NAP1L1: variants seen among roughly 807,000 people sequenced by gnomAD.
The protein encoded by NAP1L1 is nucleosome assembly protein 1 like 1.
Under a neutral mutation model 58.9 loss-of-function variants are expected in NAP1L1, and 9 were observed. That is an observed-to-expected ratio of 0.15 (90% CI 0.09 to 0.27). The LOEUF (loss-of-function observed/expected upper bound fraction) is 0.27. Ranked by LOEUF, NAP1L1 falls within the 10% of genes least tolerant of loss-of-function variation. The probability of loss-of-function intolerance (pLI) is 1.00; values close to 1 mark genes in which losing one functional copy is unlikely to be tolerated. For missense variants in NAP1L1, 302 were observed against 458.8 expected, an observed-to-expected ratio of 0.66 and a Z score of 3.12; for synonymous variants, 130 against 138.3, an observed-to-expected ratio of 0.94 and a Z score of 0.42.
chr12:76,057,609 T>C, intron 6 of NAP1L1: 1 of 1,194,632 alleles, frequency 8.4e-7, no homozygotes, highest in South Asian at 1.3e-5. Context: ...CCAAGTTAGA[T>C]GCTGATTACC....
chr12:76,078,195 G>A (rs752240837), intron 1 of NAP1L1, among the ~76,000 whole-genome samples: 1 of 151,958 alleles, frequency 6.6e-6, no homozygotes, highest in Non-Finnish European at 1.5e-5. Flanking sequence ...TTTAACCAAA[G>A]TTAAAATTCT....
At chr12:76,081,107 A>G (rs1401537224) in intron 1 of NAP1L1, among the ~76,000 whole-genome samples, 1 of 152,028 alleles carries the variant, frequency 6.6e-6, no homozygotes, top group Non-Finnish European at 1.5e-5. Context: ...ACTCAGTTTC[A>G]GGTATTCTAA....
chr12:76,071,243 T>C (rs183893771), intron 2 of NAP1L1, among the ~76,000 whole-genome samples: 16 of 152,114 alleles, frequency 1.1e-4, no homozygotes, highest in African/African-American at 3.6e-4. Context: ...AGAGAAAGGT[T>C]TACTGACTCT....
At chr12:76,077,722 G>A (rs1252208212) in intron 1 of NAP1L1, among the ~76,000 whole-genome samples, 3 of 151,876 alleles carry the variant, frequency 2.0e-5, no homozygotes, top group African/African-American at 4.8e-5. Flanking sequence ...AGTGGCTCAC[G>A]CCTGTAATCC....
intron 7 of NAP1L1, 69 bp downstream of exon 7, chr12:76,055,964 G>T: frequency 6.7e-7 from 1 of 1,492,210 alleles, no homozygotes; most frequent in South Asian, 1.2e-5. Context: ...AGAGAACAGT[G>T]ATCACAGCCA....
rs1948557838 is a variant in NAP1L1, at chr12:76,042,188, G to C, written c.*6241C>G. 1 of 152,018 alleles carries C rather than the reference G, an allele frequency of 6.6e-6. No homozygotes were observed. The highest frequency in any genetic ancestry group is 1.5e-5 in the Non-Finnish European group (1 of 68,008). 9.4% of individuals were successfully genotyped at this position (152,018 alleles called of 1,614,324 possible). A position where few individuals can be genotyped will look rare whatever the true frequency, so the allele number is the denominator to read the frequency against. ...TACACCTAGGAGGAATTTTGCCTTT[G>C]AACCAAGAAAACCCCAACTAGTTCA... On this transcript the variant is annotated 3_prime_UTR_variant, in exon 15 of 15. Transcript: ENST00000618691.
intron 2 of NAP1L1, among the ~76,000 whole-genome samples, chr12:76,070,973 C>A (rs1949927790): frequency 1.3e-5 from 2 of 152,156 alleles, no homozygotes; most frequent in African/African-American, 4.8e-5. Flanking sequence ...AGTTCAAGAC[C>A]AGCCTGATTA....
At chr12:76,063,960 G>A (rs1949539862) in intron 4 of NAP1L1, among the ~76,000 whole-genome samples, 1 of 150,806 alleles carries the variant, frequency 6.6e-6, no homozygotes, top group South Asian at 2.1e-4. Flanking sequence ...ACCAAGGTGG[G>A]CCCAACAGTT....
At position 76,053,193 on chromosome 12, in the gene NAP1L1, AACAT is replaced by A. The variant is rs1438731772; in HGVS notation, c.916+8_916+11del. ...AAACAACCGTTAATACTCAAGCTAA[AACAT>A]TATTTACCTTCAGGAGGGGCAAAAA... On this transcript the variant is annotated splice_region_variant and intron_variant, in intron 10 of 14. Coordinates refer to ENST00000618691, the MANE Select transcript of NAP1L1 (RefSeq NM_004537.7). 6.2e-7 allele frequency: 1 copy of A among 1,613,350 alleles called. No homozygotes were observed. The highest frequency in any genetic ancestry group is 1.3e-5 in the African/African-American group (1 of 74,892).
At chr12:76,051,541 C>T (rs1224877839) in intron 11 of NAP1L1, among the ~76,000 whole-genome samples, 4 of 152,102 alleles carry the variant, frequency 2.6e-5, no homozygotes, top group Non-Finnish European at 4.4e-5. Context: ...AAATCAGGTG[C>T]CCCTAGCACT....
rs1948644652 is a variant in NAP1L1, at chr12:76,047,650, C to A, written c.*779G>T. The A allele has an allele frequency of 6.6e-6, 1 of 151,880 alleles. No homozygotes were observed. Among genetic ancestry groups the A allele is most frequent in the Admixed American group, 6.6e-5 (1 of 15,248 alleles). 9.4% of individuals were successfully genotyped at this position (151,880 alleles called of 1,614,324 possible). A position where few individuals can be genotyped will look rare whatever the true frequency, so the allele number is the denominator to read the frequency against. On this transcript the variant is annotated 3_prime_UTR_variant, in exon 15 of 15. Transcript: ENST00000618691. ...AAAACAAAAACAAGCAAACAAACAA[C>A]AAATAACTTGAAAATAGGCTTGTCA...
At chr12:76,061,347 T>C (rs974467333) in intron 4 of NAP1L1, among the ~76,000 whole-genome samples, 3 of 152,212 alleles carry the variant, frequency 2.0e-5, no homozygotes, top group Non-Finnish European at 4.4e-5. Context: ...GTTCTCATCA[T>C]TTAGCTCCTA....
At chr12:76,073,968 AAT>A (rs1381883450) in intron 2 of NAP1L1, 2 of 394,370 alleles carry the variant, frequency 5.1e-6, no homozygotes, top group African/African-American at 4.2e-5. Flanking sequence ...TTTTCTTAAA[AAT>A]AGTGACAAAT....
intron 2 of NAP1L1, among the ~76,000 whole-genome samples, chr12:76,070,962 G>T (rs1321152056): frequency 6.6e-6 from 1 of 152,148 alleles, no homozygotes; most frequent in African/African-American, 2.4e-5. Context: ...TGGAGGCCAG[G>T]AGTTCAAGAC....
intron 4 of NAP1L1, chr12:76,061,076 C>G (rs572517585): frequency 4.6e-6 from 2 of 431,274 alleles, no homozygotes; most frequent in East Asian, 1.5e-4. Flanking sequence ...GCCTGGCTGA[C>G]AGAATGAGAC....
intron 8 of NAP1L1, among the ~76,000 whole-genome samples, chr12:76,054,734 T>C (rs1433270767): frequency 6.6e-6 from 1 of 152,238 alleles, no homozygotes; most frequent in Non-Finnish European, 1.5e-5. Flanking sequence ...TTTTGTGTAA[T>C]TCCCAAGCTC....
intron 4 of NAP1L1, chr12:76,061,046 T>G (rs1175689139): frequency 6.7e-6 from 3 of 445,648 alleles, no homozygotes; most frequent in African/African-American, 2.0e-5. Flanking sequence ...TGAGCAAGAT[T>G]GCACCACCAC....
chr12:76,077,668 G>C (rs1253298423), intron 1 of NAP1L1, among the ~76,000 whole-genome samples: 3 of 152,056 alleles, frequency 2.0e-5, no homozygotes, highest in Admixed American at 1.3e-4. Flanking sequence ...CGACAAACTA[G>C]ATTATGCAGA....
intron 11 of NAP1L1, among the ~76,000 whole-genome samples, chr12:76,051,098 C>G (rs912828755): frequency 6.6e-6 from 1 of 151,026 alleles, no homozygotes; most frequent in Non-Finnish European, 1.5e-5. Flanking sequence ...TGATTTTTCT[C>G]ACACCATGTT....
Sources: gnomAD v4.1 joint callset for allele counts (sites outside exome capture counted in the v4.1 genomes callset) on GRCh38, gnomAD v4.1.1 for gene constraint, MANE v1.5 for transcripts, NCBI Gene and HGNC (gene_info 2026-07-23, HGNC 2026-07-21) for gene names.